Variants in MYCT1 observed in about 807,000 individuals in gnomAD.
MYCT1 encodes myc target protein 1.
Under a neutral mutation model 15.0 loss-of-function variants are expected in MYCT1, and 12 were observed. The observed-to-expected ratio is 0.80, with a 90% CI of 0.51 to 1.29. MYCT1 has a LOEUF of 1.29. Among genes scored for constraint, MYCT1 ranks in the 50% most tolerant of loss-of-function variants. The probability of loss-of-function intolerance (pLI) is 0.00; values close to 1 mark genes in which losing one functional copy is unlikely to be tolerated. For missense variants in MYCT1, 287 were observed against 279.1 expected (o/e 1.03, Z -0.20); for synonymous variants, 104 against 102.7 (o/e 1.01, Z -0.07).
At chr6:152,745,287 A>G in the MYCT1 span, among the ~76,000 whole-genome samples, 2 of 152,168 alleles carry the variant, frequency 1.3e-5, no homozygotes, top group African/African-American at 4.8e-5. Flanking sequence ...AAATGAACAC[A>G]AAAATTTGTT....
the MYCT1 span, among the ~76,000 whole-genome samples, chr6:152,740,196 A>G: frequency 8.5e-5 from 13 of 152,154 alleles, no homozygotes; most frequent in African/African-American, 2.6e-4. Context: ...GATTACAAGC[A>G]TGCGCCACCA....
chr6:152,707,150 A>G (rs1009859761), intron 1 of MYCT1, among the ~76,000 whole-genome samples: 1 of 152,082 alleles, frequency 6.6e-6, no homozygotes, highest in South Asian at 2.1e-4. Context: ...TTTTCTCCAC[A>G]TCCTCACCAG....
chr6:152,732,484 A>G, the MYCT1 span, among the ~76,000 whole-genome samples: 3 of 152,320 alleles, frequency 2.0e-5, no homozygotes, highest in Non-Finnish European at 4.4e-5. Flanking sequence ...CAAAATGGAA[A>G]AAGAATGTAA....
downstream of MYCT1, among the ~76,000 whole-genome samples, chr6:152,728,546 GA>G (rs78255359): frequency 0.54 from 81,437 of 150,500 alleles, 24,307 homozygotes; most frequent in Non-Finnish European, 0.66. Context: ...ATTCTAAGTA[GA>G]AAAAAAAAAC....
chr6:152,739,986 A>G, the MYCT1 span, among the ~76,000 whole-genome samples: 2 of 152,072 alleles, frequency 1.3e-5, no homozygotes, highest in Non-Finnish European at 2.9e-5. Flanking sequence ...AGCAAAAATA[A>G]AAATAAAAAT....
rs1192053074 is a variant in MYCT1 at position 152,722,316 on chromosome 6, ATAGGCTAAACAG to A, written c.*64_*75del. ...GTCTTTTATTGAAAGGAAATCAAAA[ATAGGCTAAACAG>A]AATTTTGAGGGCATGGCCCAAATAA... On this transcript the variant is annotated 3_prime_UTR_variant, in exon 2 of 2. Transcript: ENST00000367245. 1 of 1,505,900 alleles carries A rather than the reference ATAGGCTAAACAG, an allele frequency of 6.6e-7. No homozygotes were observed. The highest frequency in any genetic ancestry group is 8.9e-7 in the Non-Finnish European group (1 of 1,129,740). 93.3% of individuals were successfully genotyped at this position (1,505,900 alleles called of 1,614,324 possible).
downstream of MYCT1, among the ~76,000 whole-genome samples, chr6:152,726,960 G>A (rs138105596): frequency 4.9e-3 from 748 of 152,210 alleles, 3 homozygotes; most frequent in Admixed American, 8.7e-3. Flanking sequence ...GAGGCCGGGC[G>A]CGGTGGCTCA....
intron 1 of MYCT1, among the ~76,000 whole-genome samples, chr6:152,713,088 T>C (rs1283909669): frequency 1.3e-5 from 2 of 151,956 alleles, no homozygotes; most frequent in Non-Finnish European, 1.5e-5. Flanking sequence ...GCTTGCTTTT[T>C]CCCCCCAATA....
chr6:152,713,076 AG>A (rs1023341986), intron 1 of MYCT1, among the ~76,000 whole-genome samples: 5 of 152,018 alleles, frequency 3.3e-5, no homozygotes, highest in Non-Finnish European at 5.9e-5. Context: ...CAAGGCCTAG[AG>A]GCTTGCTTTT....
At chr6:152,727,968 C>T (rs186285226), downstream of MYCT1, among the ~76,000 whole-genome samples, 2 of 152,008 alleles carry the variant, frequency 1.3e-5, no homozygotes, top group African/African-American at 4.8e-5. Context: ...ATTCGAGACC[C>T]GCCTAGCCAA....
Position 152,721,976 on chromosome 6 carries a change from T to A in MYCT1, c.431T>A (p.Phe144Tyr). The A allele has an allele frequency of 6.2e-7, 1 of 1,614,166 alleles. No homozygotes were observed. Among genetic ancestry groups the A allele is most frequent in the South Asian group, 1.1e-5 (1 of 91,074 alleles). Reference protein sequence around the residue: ...RSNLSLASLTFQRQASLEQAN... With the variant: ...RSNLSLASLTYQRQASLEQAN... ...AACCTCAGCCTGGCCAGTCTCACCTTCCAGCGACAAGCTTCCCTGGAACAA... is the reference window on the plus strand; with the variant it reads ...AACCTCAGCCTGGCCAGTCTCACCTACCAGCGACAAGCTTCCCTGGAACAA... Residue 144 changes from phenylalanine (F) to tyrosine (Y), a missense_variant, in exon 2 of 2, where the codon TTC becomes TAC. Physicochemically the swap from Phe to Tyr is conservative, Grantham distance 22. Coordinates refer to ENST00000367245, the MANE Select transcript of MYCT1 (RefSeq NM_025107.3).
chr6:152,700,711 T>C (rs1374622985), intron 1 of MYCT1, among the ~76,000 whole-genome samples: 2 of 152,198 alleles, frequency 1.3e-5, no homozygotes, highest in Non-Finnish European at 2.9e-5. Flanking sequence ...AAATTTGCCA[T>C]GTCCTCCTCT....
At chr6:152,719,287 G>T (rs763009856) in intron 1 of MYCT1, among the ~76,000 whole-genome samples, 5 of 151,996 alleles carry the variant, frequency 3.3e-5, no homozygotes, top group Non-Finnish European at 5.9e-5. Flanking sequence ...AAGATACTCT[G>T]GTATTGAATC....
At chr6:152,717,710 C>T (rs1367720946) in intron 1 of MYCT1, among the ~76,000 whole-genome samples, 4 of 152,010 alleles carry the variant, frequency 2.6e-5, no homozygotes, top group Non-Finnish European at 5.9e-5. Context: ...TGTAAATTGC[C>T]CAGTCTCAGG....
chr6:152,722,876 C>CG lies in MYCT1; in HGVS notation c.*623_*624insG, dbSNP rs1179490855. 22 of 223,108 alleles carry CG rather than the reference C, an allele frequency of 9.9e-5. No homozygotes were observed. The highest frequency in any genetic ancestry group is 1.9e-4 in the Non-Finnish European group (21 of 109,680). 13.8% of individuals were successfully genotyped at this position (223,108 alleles called of 1,614,324 possible). A position where few individuals can be genotyped will look rare whatever the true frequency, so the allele number is the denominator to read the frequency against. ...ATCTTAGTGCCCCAAGTAGCTGGGA[C>CG]TACAGGGGTGCACTACCACACCGGG... On this transcript the variant is annotated 3_prime_UTR_variant, in exon 2 of 2. Coordinates refer to ENST00000367245, the MANE Select transcript of MYCT1 (RefSeq NM_025107.3).
chr6:152,725,605 T>C (rs1196322284), downstream of MYCT1, among the ~76,000 whole-genome samples: 2 of 152,146 alleles, frequency 1.3e-5, no homozygotes, highest in Non-Finnish European at 2.9e-5. Flanking sequence ...TAACTATTTA[T>C]GAAATAATGA....
Position 152,721,863 on chromosome 6 carries a change from G to A in MYCT1, c.318G>A (p.Trp106Ter), listed in dbSNP as rs748983896. Residue 106 changes from tryptophan (W) to a stop codon, truncating the protein, a stop_gained, in exon 2 of 2, where the codon TGG (tryptophan) becomes TGA (stop). Coordinates refer to ENST00000367245, the MANE Select transcript of MYCT1 (RefSeq NM_025107.3). LOFTEE classifies it high-confidence loss of function. ...GAGCCAGTGCTCCCATCTCACAGTG[G>A]AGTTCAAGCAGGAGATCTAGGTCTT... ...RRRASAPISQWSSSRRSRSSY... is the reference protein window; with the variant it reads ...RRRASAPISQ 1 of 1,614,032 alleles carries A rather than the reference G, an allele frequency of 6.2e-7. No homozygotes were observed. Among genetic ancestry groups the A allele is most frequent in the Admixed American group, 1.7e-5 (1 of 60,006 alleles).
intron 1 of MYCT1, among the ~76,000 whole-genome samples, chr6:152,721,276 G>A (rs2099724646): frequency 6.6e-6 from 1 of 152,206 alleles, no homozygotes; most frequent in Admixed American, 6.5e-5. Flanking sequence ...ACTGCAGGTG[G>A]CAGAAATCAA....
chr6:152,708,421 T>G (rs898851579), intron 1 of MYCT1, among the ~76,000 whole-genome samples: 5 of 152,012 alleles, frequency 3.3e-5, no homozygotes, highest in African/African-American at 1.2e-4. Context: ...GGTGTGTGCC[T>G]GTAGTCTCAG....
Sources: gnomAD v4.1 joint callset for allele counts (sites outside exome capture counted in the v4.1 genomes callset) on GRCh38, gnomAD v4.1.1 for gene constraint, MANE v1.5 for transcripts, NCBI Gene and HGNC (gene_info 2026-07-23, HGNC 2026-07-21) for gene names.